The following CTCF variants were observed in gnomAD, a reference collection of about 807,000 sequenced individuals.
CTCF encodes transcriptional repressor CTCF.
CTCF carries 7 observed loss-of-function variants against 72.3 expected under a neutral mutation model. The observed-to-expected ratio is 0.10, with a 90% CI of 0.06 to 0.18. The LOEUF is 0.18. Among genes scored for constraint, CTCF ranks in the 10% least tolerant of loss-of-function variants. The probability of loss-of-function intolerance (pLI) is 1.00; values close to 1 mark genes in which losing one functional copy is unlikely to be tolerated. For missense variants in CTCF, 516 were observed against 949.1 expected (o/e 0.54, Z 6.00); for synonymous variants, 374 against 315.8 (o/e 1.18, Z -1.95).
At chr16:67,632,303 T>C (rs190399260) in intron 10 of CTCF, among the ~76,000 whole-genome samples, 3 of 152,306 alleles carry the variant, frequency 2.0e-5, no homozygotes, top group Admixed American at 1.3e-4. Context: ...GACCAGCTTC[T>C]TTCCCTAATT....
At chr16:67,581,954 TG>T (rs1418403466) in intron 2 of CTCF, among the ~76,000 whole-genome samples, 1 of 152,060 alleles carries the variant, frequency 6.6e-6, no homozygotes, top group Non-Finnish European at 1.5e-5. Flanking sequence ...CCGGGTGCAG[TG>T]GCTCATGCCT....
At chr16:67,580,007 A>G (rs999186995) in intron 2 of CTCF, among the ~76,000 whole-genome samples, 4 of 152,140 alleles carry the variant, frequency 2.6e-5, no homozygotes, top group African/African-American at 7.2e-5. Context: ...TGGTTTCAGA[A>G]GGGAAGTCTT....
chr16:67,583,271 G>A (rs577351396), intron 2 of CTCF, among the ~76,000 whole-genome samples: 9 of 152,118 alleles, frequency 5.9e-5, no homozygotes, highest in African/African-American at 1.7e-4. Context: ...ACAGGCATGA[G>A]CCATGGCGCC....
intron 1 of CTCF, among the ~76,000 whole-genome samples, chr16:67,564,534 C>T (rs780933707): frequency 1.3e-5 from 2 of 152,170 alleles, no homozygotes; most frequent in Non-Finnish European, 1.5e-5. Flanking sequence ...CATAGAGTAA[C>T]TAAATGCAGT....
At chr16:67,626,091 G>A (rs1285316005) in intron 7 of CTCF, among the ~76,000 whole-genome samples, 1 of 151,842 alleles carries the variant, frequency 6.6e-6, no homozygotes, top group East Asian at 1.9e-4. Flanking sequence ...CCCTGCACCT[G>A]TTACTCTGCC....
At chr16:67,593,065 A>G (rs2051767120) in intron 2 of CTCF, among the ~76,000 whole-genome samples, 1 of 148,590 alleles carries the variant, frequency 6.7e-6, no homozygotes, top group South Asian at 2.1e-4. Context: ...AATGTTTAAT[A>G]TATATTTTAT....
chr16:67,574,827 T>G (rs1286270190), intron 2 of CTCF, among the ~76,000 whole-genome samples: 1 of 151,006 alleles, frequency 6.6e-6, no homozygotes, highest in Non-Finnish European at 1.5e-5. Context: ...CCCAGCTAAT[T>G]TTTGTATTTT....
rs2142862572 is a variant in CTCF, at chr16:67,626,633, G to A, written c.1436G>A (p.Arg479His). 1 of 1,578,030 alleles carries A rather than the reference G, an allele frequency of 6.3e-7. No homozygotes were observed. Among genetic ancestry groups the A allele is most frequent in the Non-Finnish European group, 8.6e-7 (1 of 1,160,792 alleles). ...CRYCDAVFHERYALIQHQKSH... is the reference protein window; with the variant it reads ...CRYCDAVFHEHYALIQHQKSH... ...TACTGTGATGCTGTGTTTCATGAGC[G>A]CTATGCCCTCATCCAGCATCAGAAG... The change falls in exon 8 of 12, where the codon CGC (arginine) becomes CAC (histidine). Residue 479 changes from arginine (R) to histidine (H), a missense_variant. Coordinates refer to ENST00000264010, the MANE Select transcript of CTCF (RefSeq NM_006565.4).
rs1257461389 is a variant in CTCF at position 67,610,954 on chromosome 16, C to G, written c.122C>G (p.Pro41Arg). 1 of 1,587,120 alleles carries G rather than the reference C, an allele frequency of 6.3e-7. No individual in the cohort carries two copies. The highest frequency in any genetic ancestry group is 8.6e-7 in the Non-Finnish European group (1 of 1,161,306). ...GGQEEDACHL[P>R]QNQTDGGEVV... The stretch of plus-strand genomic sequence containing the variant: ...CAGGAAGAAGATGCCTGCCACTTAC[C>G]CCAGAACCAGACGGATGGGGGTGAG... The change falls in exon 3 of 12, where the codon CCC (proline) becomes CGC (arginine). Residue 41 changes from proline (P) to arginine (R), a missense_variant. By Grantham distance (103) the Pro-to-Arg change is moderately radical (BLOSUM62 -2). Around this residue, in one of 7 missense-constraint regions of CTCF, gnomAD observed 148 missense variants for 194.9 expected, o/e 0.76. Transcript: ENST00000264010.
At position 67,629,745 on chromosome 16, in the gene CTCF, CCTTTTTTTTTTTTTTTTTTTTTTTTTT is replaced by C. The variant is rs2052338438; in HGVS notation, c.1837+213_1837+239del. Among the ~76,000 whole-genome samples the C allele has an allele frequency of 5.9e-5, 5 of 85,030 alleles. No individual in the cohort carries two copies. The Admixed American group carries it at 6.4e-4, about 11-fold the overall frequency. The allele number at this position is 85,030 out of a possible 152,430, so 55.8% of individuals were successfully genotyped here. A position where few individuals can be genotyped will look rare whatever the true frequency, so the allele number is the denominator to read the frequency against. ...TTCGTGGCATTCCGCTCATTAATGC[CCTTTTTTTTTTTTTTTTTTTTTTTTTT>C]TTTTTTTTTTTTTTTTTTTTGAGAC... On this transcript the variant is annotated intron_variant, in intron 10 of 11. Coordinates refer to ENST00000264010, the MANE Select transcript of CTCF (RefSeq NM_006565.4).
At chr16:67,573,824 A>C (rs1267882200) in intron 2 of CTCF, among the ~76,000 whole-genome samples, 1 of 152,124 alleles carries the variant, frequency 6.6e-6, no homozygotes, top group Non-Finnish European at 1.5e-5. Flanking sequence ...CAAGTCCAAG[A>C]GATTGAGACC....
chr16:67,601,301 G>GTGTT (rs2051887358), intron 2 of CTCF, among the ~76,000 whole-genome samples: 1 of 124,894 alleles, frequency 8.0e-6, no homozygotes, highest in Non-Finnish European at 1.8e-5. Context: ...CACCGTGTGT[G>GTGTT]TGTGTGTGTG....
intron 10 of CTCF, among the ~76,000 whole-genome samples, chr16:67,631,150 G>GTTTTTTTTTTTTTTTTT (rs1472086135): frequency 7.5e-6 from 1 of 132,534 alleles, no homozygotes; most frequent in African/African-American, 3.2e-5. Context: ...TTTGTTCTTT[G>GTTTTTTTTTTTTTTTTT]TTTGTTTTTT....
chr16:67,582,250 A>T (rs974716646), intron 2 of CTCF, among the ~76,000 whole-genome samples: 1 of 151,522 alleles, frequency 6.6e-6, no homozygotes, highest in Non-Finnish European at 1.5e-5. Flanking sequence ...TCAAATTAGT[A>T]GGAACTTTGT....
At chr16:67,617,195 G>A (rs1038499780) in intron 5 of CTCF, among the ~76,000 whole-genome samples, 2 of 151,612 alleles carry the variant, frequency 1.3e-5, no homozygotes, top group African/African-American at 4.9e-5. Flanking sequence ...AACCCGATCT[G>A]TACTAAAAAA....
At chr16:67,626,528 A>AC in intron 7 of CTCF, 27 bp from the exon 8 acceptor site, 1 of 1,403,356 alleles carries the variant, frequency 7.1e-7, no homozygotes, top group Non-Finnish European at 9.4e-7. Flanking sequence ...TTTTCACATT[A>AC]CCCTGGGCTT....
intron 2 of CTCF, among the ~76,000 whole-genome samples, chr16:67,584,243 A>C (rs1049339864): frequency 6.6e-6 from 1 of 151,374 alleles, no homozygotes; most frequent in Admixed American, 6.6e-5. Flanking sequence ...AGTTGCTTCA[A>C]CTTGGGAGGT....
chr16:67,575,783 G>A (rs775467189), intron 2 of CTCF, among the ~76,000 whole-genome samples: 4 of 152,012 alleles, frequency 2.6e-5, no homozygotes, highest in Non-Finnish European at 4.4e-5. Context: ...ACTGAACTTC[G>A]ATGACCACCA....
At chr16:67,621,666 T>C in intron 7 of CTCF, 75 bp downstream of exon 7, 1 of 1,101,212 alleles carries the variant, frequency 9.1e-7, no homozygotes, top group Non-Finnish European at 1.3e-6. Flanking sequence ...GGATCAAAAA[T>C]AACTTCACCT....
Sources: gnomAD v4.1 joint callset for allele counts (sites outside exome capture counted in the v4.1 genomes callset) on GRCh38, gnomAD v4.1.1 for gene constraint, gnomAD v4.1.1 regional missense constraint, MANE v1.5 for transcripts, NCBI Gene and HGNC (gene_info 2026-07-23, HGNC 2026-07-21) for gene names.